Variants in DLC1 observed in about 807,000 individuals in gnomAD.
DLC1 encodes the protein DLC1 Rho GTPase activating protein.
DLC1 carries 54 observed loss-of-function variants against 140.3 expected under a neutral mutation model. The ratio of observed to expected loss-of-function variants is 0.38; its 90% CI spans 0.31 to 0.48. The LOEUF is 0.48. DLC1 is among the 20% of genes least tolerant of loss of function. The pLI is 0.96. For synonymous variants in DLC1, 986 were observed against 728.1 expected, an observed-to-expected ratio of 1.35 and a Z score of -5.70; for missense variants, 2,536 against 1,907.0, an observed-to-expected ratio of 1.33 and a Z score of -6.14.
intron 5 of DLC1, among the ~76,000 whole-genome samples, chr8:13,275,724 T>TGACA (rs1343340942): frequency 6.6e-6 from 1 of 152,208 alleles, no homozygotes; most frequent in African/African-American, 2.4e-5. Context: ...CTGGCATACA[T>TGACA]GACACCGTCT....
intron 2 of DLC1, among the ~76,000 whole-genome samples, chr8:13,453,422 A>ATATTTTTTTTTTTTTTT (rs1554523043): frequency 9.2e-5 from 3 of 32,572 alleles, no homozygotes; most frequent in Admixed American, 5.1e-4. Context: ...ATATATATAT[A>ATATTTTTTTTTTTTTTT]TGTGTATATA....
intron 2 of DLC1, among the ~76,000 whole-genome samples, chr8:13,465,961 G>A (rs1419884684): frequency 6.6e-6 from 1 of 152,084 alleles, no homozygotes; most frequent in Non-Finnish European, 1.5e-5. Context: ...GATCAATCCA[G>A]ATACCTGCCT....
chr8:13,587,210 A>G (rs979934832), intron 1 of DLC1, among the ~76,000 whole-genome samples: 1 of 151,904 alleles, frequency 6.6e-6, no homozygotes, highest in Non-Finnish European at 1.5e-5. Context: ...GTGAGTGGCC[A>G]TTAGATGAAC....
chr8:13,088,733 A>C, intron 15 of DLC1, 29 bp from the exon 16 acceptor site: 1 of 1,609,978 alleles, frequency 6.2e-7, no homozygotes, highest in Non-Finnish European at 8.5e-7. Flanking sequence ...TTTCAGTGCC[A>C]AGGCAATCCA....
chr8:13,488,571 A>G (rs1241681142), intron 2 of DLC1, among the ~76,000 whole-genome samples: 1 of 152,198 alleles, frequency 6.6e-6, no homozygotes, highest in Non-Finnish European at 1.5e-5. Context: ...CACAAGTGCA[A>G]AATCTAAAAT....
At chr8:13,350,715 TAAAAAATA>T (rs968740400) in intron 4 of DLC1, among the ~76,000 whole-genome samples, 12 of 133,862 alleles carry the variant, frequency 9.0e-5, no homozygotes, top group African/African-American at 1.8e-4. Context: ...GACTCGATCT[TAAAAAATA>T]AATAAATAAA....
chr8:13,395,017 T>A (rs1436621345), intron 3 of DLC1, among the ~76,000 whole-genome samples: 4 of 86,278 alleles, frequency 4.6e-5, no homozygotes, highest in African/African-American at 2.5e-4. Context: ...TATCTATCTA[T>A]CTATCTATCT....
chr8:13,213,933 C>G (rs1318578911), intron 5 of DLC1, among the ~76,000 whole-genome samples: 1 of 151,862 alleles, frequency 6.6e-6, no homozygotes, highest in South Asian at 2.1e-4. Context: ...ACAGGCGACT[C>G]CCACCATGCC....
intron 1 of DLC1, among the ~76,000 whole-genome samples, chr8:13,579,359 ATATTTTT>A (rs1804979903): frequency 3.7e-5 from 1 of 27,190 alleles, no homozygotes; most frequent in African/African-American, 1.8e-4. Flanking sequence ...ATATATATAT[ATATTTTT>A]ATATAATACA....
intron 5 of DLC1, among the ~76,000 whole-genome samples, chr8:13,300,509 A>G (rs1414252582): frequency 1.3e-5 from 2 of 152,260 alleles, no homozygotes; most frequent in Admixed American, 6.5e-5. Flanking sequence ...CCCCTCCCCC[A>G]GTCTCCTGCT....
At chr8:13,224,921 T>C (rs1277742929) in intron 5 of DLC1, among the ~76,000 whole-genome samples, 1 of 152,202 alleles carries the variant, frequency 6.6e-6, no homozygotes, top group Non-Finnish European at 1.5e-5. Context: ...GAAGCTTCTG[T>C]AGGAATTTTC....
intron 1 of DLC1, among the ~76,000 whole-genome samples, chr8:13,571,055 G>A (rs1804636250): frequency 6.6e-6 from 1 of 152,124 alleles, no homozygotes; most frequent in African/African-American, 2.4e-5. Flanking sequence ...CTTTATTATT[G>A]GGTAGGGGCT....
intron 5 of DLC1, among the ~76,000 whole-genome samples, chr8:13,209,157 AG>A (rs1402086191): frequency 6.6e-6 from 1 of 152,176 alleles, no homozygotes; most frequent in Non-Finnish European, 1.5e-5. Context: ...CCAAGGCTAC[AG>A]GAACTGCTAA....
intron 16 of DLC1, among the ~76,000 whole-genome samples, chr8:13,087,799 A>G (rs1706965690): frequency 6.6e-6 from 1 of 152,252 alleles, no homozygotes; most frequent in South Asian, 2.1e-4. Flanking sequence ...ATATCTCCAG[A>G]GAATTTATGA....
intron 1 of DLC1, among the ~76,000 whole-genome samples, chr8:13,549,883 T>A (rs1435266701): frequency 6.6e-6 from 1 of 152,136 alleles, no homozygotes; most frequent in Admixed American, 6.6e-5. Flanking sequence ...TCCACTGTTT[T>A]CAAAAGTGGC....
At chr8:13,450,056 A>C (rs985593654) in intron 2 of DLC1, among the ~76,000 whole-genome samples, 4 of 152,114 alleles carry the variant, frequency 2.6e-5, no homozygotes, top group Non-Finnish European at 5.9e-5. Context: ...TTAGCTCCTT[A>C]TTTAGTAAAA....
At chr8:13,279,845 A>G (rs1171576814) in intron 5 of DLC1, among the ~76,000 whole-genome samples, 1 of 152,200 alleles carries the variant, frequency 6.6e-6, no homozygotes, top group Non-Finnish European at 1.5e-5. Context: ...GTATTTCCAC[A>G]AACTTCAAAC....
At chr8:13,124,487 A>G (rs1821390518) in intron 5 of DLC1, among the ~76,000 whole-genome samples, 1 of 152,188 alleles carries the variant, frequency 6.6e-6, no homozygotes. Context: ...AGATGGAAGC[A>G]CCTTCTGAGC....
At chr8:13,184,311 C>G (rs747323471) in intron 5 of DLC1, among the ~76,000 whole-genome samples, 16 of 150,284 alleles carry the variant, frequency 1.1e-4, no homozygotes, top group Non-Finnish European at 1.5e-4. Context: ...GTGTCTCTAT[C>G]TCCTTTAGTT....
Sources: gnomAD v4.1 joint callset for allele counts (sites outside exome capture counted in the v4.1 genomes callset) on GRCh38, gnomAD v4.1.1 for gene constraint, MANE v1.5 for transcripts, NCBI Gene and HGNC (gene_info 2026-07-23, HGNC 2026-07-21) for gene names.